NRCAM: variants seen among roughly 807,000 people sequenced by gnomAD.
NRCAM encodes the protein neuronal cell adhesion molecule.
In NRCAM, 83 loss-of-function variants were observed where a neutral mutation model predicts 156.5. The observed-to-expected ratio is 0.53, with a 90% CI of 0.44 to 0.64. The LOEUF (loss-of-function observed/expected upper bound fraction) is 0.64, where lower values mean the gene tolerates loss of function less well. Among genes scored for constraint, NRCAM ranks in the 30% least tolerant of loss-of-function variants. NRCAM has a pLI of 0.00. For synonymous variants in NRCAM, 538 were observed against 563.9 expected, an observed-to-expected ratio of 0.95 and a Z score of 0.65; for missense variants, 1,417 against 1,597.3, an observed-to-expected ratio of 0.89 and a Z score of 1.92.
In NRCAM at chr7:108,330,517, C is replaced by T. The variant is rs118028249; in HGVS notation, c.-173-17786G>A. 4.3e-4 allele frequency among the ~76,000 whole-genome samples: 66 copies of T among 152,218 alleles called. 1 individual carries two copies. The highest frequency in any genetic ancestry group is 3.4e-3 in the Middle Eastern group (1 of 294). On this transcript the variant is annotated intron_variant, in intron 2 of 32. Coordinates refer to ENST00000379028, the MANE Select transcript of NRCAM (RefSeq NM_001037132.4). ...TTCTCACTCTGGCTCCCACTGTGCC[C>T]GTTACTTTGCGGCAGTAGTTACTCA... is the stretch of plus-strand genomic sequence containing the variant.
chr7:108,376,546 C>T (rs1254696964), intron 2 of NRCAM, among the ~76,000 whole-genome samples: 1 of 152,150 alleles, frequency 6.6e-6, no homozygotes, highest in African/African-American at 2.4e-5. Flanking sequence ...GCAGAGGTTC[C>T]TGTTCTCATG....
intron 3 of NRCAM, among the ~76,000 whole-genome samples, chr7:108,252,019 T>C (rs776464468): frequency 2.6e-5 from 4 of 151,564 alleles, no homozygotes; most frequent in Admixed American, 6.6e-5. Context: ...AATGAAAGGA[T>C]TGGGTAAAGA....
chr7:108,372,966 T>A (rs535042129), intron 2 of NRCAM, among the ~76,000 whole-genome samples: 174 of 152,086 alleles, frequency 1.1e-3, no homozygotes, highest in Non-Finnish European at 1.5e-3. Flanking sequence ...CATCAACAGA[T>A]AAATGGGTAA....
intron 3 of NRCAM, among the ~76,000 whole-genome samples, chr7:108,277,406 C>G (rs2097678107): frequency 6.6e-6 from 1 of 152,140 alleles, no homozygotes; most frequent in East Asian, 1.9e-4. Context: ...TCACATTGTC[C>G]CATATTTCTT....
At chr7:108,155,101 T>TATATATACACACACAC (rs1270777439) in intron 32 of NRCAM, among the ~76,000 whole-genome samples, 5 of 123,114 alleles carry the variant, frequency 4.1e-5, no homozygotes, top group African/African-American at 1.4e-4. Context: ...TATATATATA[T>TATATATACACACACAC]ACACACACAC....
At chr7:108,165,853 T>C (rs1434317697) in intron 30 of NRCAM, among the ~76,000 whole-genome samples, 3 of 152,246 alleles carry the variant, frequency 2.0e-5, no homozygotes, top group Non-Finnish European at 4.4e-5. Context: ...CTACAGGATA[T>C]GCACATTTCT....
intron 20 of NRCAM, among the ~76,000 whole-genome samples, chr7:108,188,574 G>C (rs2068816140): frequency 6.6e-6 from 1 of 151,726 alleles, no homozygotes; most frequent in Non-Finnish European, 1.5e-5. Context: ...AATATCTGTT[G>C]AATGAATGAG....
chr7:108,285,046 G>GAAA (rs2154101991), intron 3 of NRCAM, among the ~76,000 whole-genome samples: 1 of 152,324 alleles, frequency 6.6e-6, no homozygotes, highest in East Asian at 1.9e-4. Context: ...ATGCTATTAC[G>GAAA]AAAAGTCAGG....
chr7:108,312,767 CATTG>C (rs2098819738), intron 2 of NRCAM, 36 bp from the exon 3 acceptor site: 1 of 152,198 alleles, frequency 6.6e-6, no homozygotes, highest in African/African-American at 2.4e-5. Flanking sequence ...GTTAACACGA[CATTG>C]ATTGTCATCA....
intron 2 of NRCAM, among the ~76,000 whole-genome samples, chr7:108,325,048 G>A (rs973602889): frequency 4.6e-5 from 7 of 151,970 alleles, no homozygotes; most frequent in African/African-American, 9.6e-5. Context: ...ATTATTCCTC[G>A]TTCTCTAGAA....
At chr7:108,275,685 C>A (rs1329425097) in intron 3 of NRCAM, among the ~76,000 whole-genome samples, 1 of 152,164 alleles carries the variant, frequency 6.6e-6, no homozygotes, top group Non-Finnish European at 1.5e-5. Flanking sequence ...AAAAAGCCAG[C>A]TCCTGGATTC....
intron 3 of NRCAM, among the ~76,000 whole-genome samples, chr7:108,279,345 G>T (rs533828809): frequency 6.6e-6 from 1 of 152,172 alleles, no homozygotes; most frequent in Non-Finnish European, 1.5e-5. Context: ...CCTGTTTTGT[G>T]TTTCATAATT....
intron 12 of NRCAM, 127 bp downstream of exon 12, chr7:108,209,294 G>C: frequency 1.5e-6 from 1 of 651,812 alleles, no homozygotes; most frequent in Non-Finnish European, 2.5e-6. Context: ...TGAGAAGAGA[G>C]TCAAGGTACC....
At chr7:108,357,694 A>G (rs1299499680) in intron 2 of NRCAM, among the ~76,000 whole-genome samples, 1 of 152,154 alleles carries the variant, frequency 6.6e-6, no homozygotes, top group African/African-American at 2.4e-5. Flanking sequence ...TAGAGATTCT[A>G]TTTATATTAG....
At chr7:108,299,142 A>AAAG (rs1563164873) in intron 3 of NRCAM, among the ~76,000 whole-genome samples, 6 of 78,622 alleles carry the variant, frequency 7.6e-5, no homozygotes, top group Non-Finnish European at 1.1e-4. Context: ...AAGAAAGAAA[A>AAAG]GAAAAGTAAA....
intron 2 of NRCAM, among the ~76,000 whole-genome samples, chr7:108,371,017 T>G (rs1203035426): frequency 1.3e-5 from 2 of 152,152 alleles, no homozygotes; most frequent in Non-Finnish European, 2.9e-5. Flanking sequence ...AGACAATAGA[T>G]TTGAATGAGC....
rs2056261372 is a variant in NRCAM, at chr7:108,168,411, AC to A, written c.3188-10del. On this transcript the variant is annotated splice_polypyrimidine_tract_variant and intron_variant, in intron 28 of 32. Transcript: ENST00000379028. ...GGGATTTACTGCTTGAACTAAACAT[AC>A]AATAGAAAAATAAAACAAACAATCA... 1.3e-6 allele frequency: 2 copies of A among 1,587,070 alleles called. No homozygotes were observed. The highest frequency in any genetic ancestry group is 3.8e-5 in the Admixed American group (2 of 53,164).
intron 11 of NRCAM, among the ~76,000 whole-genome samples, chr7:108,210,811 G>A (rs1201214299): frequency 6.6e-6 from 1 of 152,200 alleles, no homozygotes; most frequent in Non-Finnish European, 1.5e-5. Flanking sequence ...TGAGCTGTGT[G>A]TTGGGAAGAT....
At chr7:108,293,165 T>C (rs1411411319) in intron 3 of NRCAM, among the ~76,000 whole-genome samples, 1 of 152,144 alleles carries the variant, frequency 6.6e-6, no homozygotes, top group East Asian at 1.9e-4. Context: ...TTGTGATTAA[T>C]TAACAGCCTT....
Sources: gnomAD v4.1 joint callset for allele counts (sites outside exome capture counted in the v4.1 genomes callset) on GRCh38, gnomAD v4.1.1 for gene constraint, MANE v1.5 for transcripts, NCBI Gene and HGNC (gene_info 2026-07-23, HGNC 2026-07-21) for gene names.